The following MED19 variants were observed in gnomAD, a reference collection of about 807,000 sequenced individuals.
The protein encoded by MED19 is mediator of RNA polymerase II transcription subunit 19.
Under a neutral mutation model 19.9 loss-of-function variants are expected in MED19, and 4 were observed. The ratio of observed to expected loss-of-function variants is 0.20; its 90% CI spans 0.10 to 0.46. The LOEUF (loss-of-function observed/expected upper bound fraction) is 0.46. Ranked by LOEUF, MED19 falls within the 20% of genes least tolerant of loss-of-function variation. The pLI is 0.99. For synonymous variants in MED19, 139 were observed against 119.6 expected, an observed-to-expected ratio of 1.16 and a Z score of -1.06; for missense variants, 303 against 318.7, an observed-to-expected ratio of 0.95 and a Z score of 0.38.
At chr11:57,706,449 A>G (rs907207835) in intron 1 of MED19, among the ~76,000 whole-genome samples, 11 of 151,740 alleles carry the variant, frequency 7.2e-5, no homozygotes, top group Non-Finnish European at 1.3e-4. Flanking sequence ...CACAGCACGC[A>G]TCCAGGAAGA....
At chr11:57,711,098 A>C (rs1342123529) in intron 1 of MED19, among the ~76,000 whole-genome samples, 2 of 152,266 alleles carry the variant, frequency 1.3e-5, no homozygotes, top group African/African-American at 4.8e-5. Context: ...AAAGGCAAGC[A>C]TCTTGTCAGT....
At chr11:57,706,386 C>A (rs1325583123) in intron 1 of MED19, among the ~76,000 whole-genome samples, 2 of 152,024 alleles carry the variant, frequency 1.3e-5, no homozygotes, top group African/African-American at 4.8e-5. Context: ...TCAAGTGATC[C>A]GCCACCCCCC....
intron 1 of MED19, among the ~76,000 whole-genome samples, chr11:57,708,327 A>C (rs935571362): frequency 1.3e-5 from 2 of 152,100 alleles, no homozygotes; most frequent in African/African-American, 2.4e-5. Flanking sequence ...CTCAAGGCTA[A>C]TTACATCTTA....
intron 1 of MED19, among the ~76,000 whole-genome samples, chr11:57,706,578 C>A (rs989488445): frequency 4.6e-5 from 7 of 151,924 alleles, no homozygotes; most frequent in African/African-American, 1.7e-4. Context: ...CAAGACCAGC[C>A]TGGCCAACAT....
exon 1 of MED19, chr11:57,712,110 C>G: frequency 6.5e-7 from 1 of 1,527,048 alleles, no homozygotes. Context: ...TTTCCTGGTC[C>G]GAAGCCGAGT....
chr11:57,703,852 G>A, exon 5 of MED19: 2 of 828,660 alleles, frequency 2.4e-6, no homozygotes, highest in Non-Finnish European at 3.4e-6. Flanking sequence ...CAACTGGGAT[G>A]AGCCTACAAA....
chr11:57,705,427 G>A (rs1946497710), intron 1 of MED19, among the ~76,000 whole-genome samples, 198 bp from the exon 2 acceptor site: 1 of 152,068 alleles, frequency 6.6e-6, no homozygotes, highest in African/African-American at 2.4e-5. Flanking sequence ...TGAGGCGGGT[G>A]GATCACCAGG....
At chr11:57,705,282 G>A in intron 1 of MED19, 53 bp from the exon 2 acceptor site, 2 of 1,580,782 alleles carry the variant, frequency 1.3e-6, no homozygotes, top group Non-Finnish European at 1.7e-6. Flanking sequence ...GTAGACCCAG[G>A]GAGTGAAGGA....
exon 2 of MED19, chr11:57,705,081 A>C: frequency 1.9e-6 from 3 of 1,614,160 alleles, no homozygotes; most frequent in Non-Finnish European, 2.5e-6. Context: ...TGCTGTTATC[A>C]TGGGAACCAG....
intron 1 of MED19, 106 bp downstream of exon 1, chr11:57,711,857 T>A (rs1288724620): frequency 5.6e-6 from 7 of 1,249,268 alleles, no homozygotes; most frequent in Non-Finnish European, 6.3e-6. Context: ...AGTCCGGGTA[T>A]GCGTTGCCTA....
rs1438917367 is a variant in MED19 at position 57,704,288 on chromosome 11, G to A, written c.666+14C>T. ...GGAAACTCACTGGGTTGTGGCAATAGGCCTCTACTCTACCTTCTTTTTCTT... is the reference window on the plus strand; with the variant it reads ...GGAAACTCACTGGGTTGTGGCAATAAGCCTCTACTCTACCTTCTTTTTCTT... On this transcript the variant is annotated intron_variant, in intron 4 of 4. Coordinates refer to ENST00000431606, the Ensembl canonical transcript of MED19. 3 of 1,533,496 alleles carry A rather than the reference G, an allele frequency of 2.0e-6. No homozygotes were observed. The highest frequency in any genetic ancestry group is 2.0e-5 in the Admixed American group (1 of 50,250). 95.0% of individuals were successfully genotyped at this position (1,533,496 alleles called of 1,614,324 possible).
intron 1 of MED19, among the ~76,000 whole-genome samples, chr11:57,706,285 T>G (rs1946506924): frequency 6.6e-6 from 1 of 152,088 alleles, no homozygotes; most frequent in South Asian, 2.1e-4. Flanking sequence ...GTAGCTGGGA[T>G]CACAGGCACA....
chr11:57,704,694 T>G (rs1783823), intron 3 of MED19, 25 bp downstream of exon 3: 10 of 1,487,036 alleles, frequency 6.7e-6, no homozygotes, highest in East Asian at 2.3e-5. Context: ...TTTTTTTTTT[T>G]GCTTTGAATA....
intron 3 of MED19, 40 bp from the exon 4 acceptor site, chr11:57,704,436 A>G (rs1226042355): frequency 1.3e-6 from 2 of 1,521,952 alleles, no homozygotes; most frequent in Non-Finnish European, 1.8e-6. Context: ...GTAAAGCTCA[A>G]AATCCTCTAC....
chr11:57,705,805 TAAG>T (rs1323736383), intron 1 of MED19, among the ~76,000 whole-genome samples: 4 of 152,158 alleles, frequency 2.6e-5, no homozygotes, highest in Admixed American at 1.3e-4. Context: ...TCCACTCTCT[TAAG>T]ATTAACTGGA....
chr11:57,711,991 G>A lies in MED19; in HGVS notation c.189C>T (p.Gly63=). 2.0e-6 allele frequency: 3 copies of A among 1,500,670 alleles called. No individual in the cohort carries two copies. The South Asian group carries it at 3.8e-5, about 19-fold the overall frequency. 93.0% of individuals were successfully genotyped at this position (1,500,670 alleles called of 1,614,324 possible). ...GCAGTTCCCTCATGAGGTAAAAAGG[G>A]CCACAGCCAGCTCCTGACTTGTCCG... Residue 63 remains glycine, a synonymous_variant, in exon 1 of 5, where the codon GGC becomes GGT. Transcript: ENST00000431606.
exon 4 of MED19, chr11:57,704,391 G>A: frequency 6.5e-7 from 1 of 1,538,004 alleles, no homozygotes; most frequent in East Asian, 2.4e-5. Flanking sequence ...GAATCAGATG[G>A]TGTTTCTGTA....
chr11:57,710,659 A>G (rs529004181), intron 1 of MED19, among the ~76,000 whole-genome samples: 8 of 151,152 alleles, frequency 5.3e-5, no homozygotes, highest in East Asian at 1.9e-4. Flanking sequence ...ATGTGAAGAG[A>G]GCATCTCTGG....
Position 57,712,044 on chromosome 11 carries a change from G to A in MED19, c.136C>T (p.Pro46Ser), listed in dbSNP as rs775156764. 2.6e-6 allele frequency: 4 copies of A among 1,536,936 alleles called. No homozygotes were observed. The African/African-American group carries it at 4.2e-5, about 16-fold the overall frequency. ...CCAGGAGGAGCCGTGGCCGCGGTGG[G>A]AGGCGGGGCCGTGCCGGGTCCCCCG... The change falls in exon 1 of 5, where the codon CCC (proline) becomes TCC (serine). Residue 46 changes from proline (P) to serine (S), a missense_variant. Physicochemically the swap from Pro to Ser is moderately conservative, Grantham distance 74. Coordinates refer to ENST00000431606, the Ensembl canonical transcript of MED19.
Sources: gnomAD v4.1 joint callset for allele counts (sites outside exome capture counted in the v4.1 genomes callset) on GRCh38, gnomAD v4.1.1 for gene constraint, MANE v1.5 for transcripts, NCBI Gene and HGNC (gene_info 2026-07-23, HGNC 2026-07-21) for gene names.